MTUS2: variants seen among roughly 807,000 people sequenced by gnomAD.
MTUS2 encodes the protein microtubule-associated tumor suppressor candidate 2.
MTUS2 carries 40 observed loss-of-function variants against 114.1 expected under a neutral mutation model. The ratio of observed to expected loss-of-function variants is 0.35; its 90% CI spans 0.27 to 0.46. MTUS2 has a LOEUF of 0.46. Among genes scored for constraint, MTUS2 ranks in the 20% least tolerant of loss-of-function variants. The pLI, the probability that MTUS2 is intolerant of heterozygous loss-of-function variation, is 1.00. For synonymous variants in MTUS2, 688 were observed against 672.0 expected, an observed-to-expected ratio of 1.02 and a Z score of -0.37; for missense variants, 1,679 against 1,705.4, an observed-to-expected ratio of 0.98 and a Z score of 0.27.
rs535932517 is a variant in MTUS2 at position 28,997,576 on chromosome 13, G to A, written c.-242-26881G>A. Among the ~76,000 whole-genome samples, 540 of 152,250 alleles carry A rather than the reference G, an allele frequency of 3.5e-3. 3 individuals carry two copies. The highest frequency in any genetic ancestry group is 0.012 in the African/African-American group (516 of 41,538). On this transcript the variant is annotated intron_variant, in intron 2 of 15. Transcript: ENST00000612955. ...TTGCTTTATGAATCTGGGTGCTCCTGTATTGGGTGCATATATATTTAGGAT... is the reference window on the plus strand; with the variant it reads ...TTGCTTTATGAATCTGGGTGCTCCTATATTGGGTGCATATATATTTAGGAT...
chr13:29,393,006 A>C (rs1873628071), intron 8 of MTUS2, among the ~76,000 whole-genome samples: 1 of 152,248 alleles, frequency 6.6e-6, no homozygotes, highest in East Asian at 1.9e-4. Flanking sequence ...ACATCTATTT[A>C]ATTTAGTAAA....
chr13:28,904,477 G>C (rs1219700417), intron 2 of MTUS2, among the ~76,000 whole-genome samples: 36 of 152,148 alleles, frequency 2.4e-4, no homozygotes, highest in Non-Finnish European at 1.3e-4. Flanking sequence ...CATATGGCTA[G>C]CCAGTTTTCC....
intron 9 of MTUS2, among the ~76,000 whole-genome samples, chr13:29,475,251 G>A (rs1880613407): frequency 6.6e-6 from 1 of 152,162 alleles, no homozygotes; most frequent in Admixed American, 6.5e-5. Context: ...CATCTTTGTG[G>A]TGATGCTGGT....
chr13:29,441,576 C>T (rs969827445), intron 9 of MTUS2, among the ~76,000 whole-genome samples: 4 of 151,724 alleles, frequency 2.6e-5, no homozygotes, highest in Non-Finnish European at 4.4e-5. Flanking sequence ...GATCCAGATG[C>T]CCACATCTGG....
At chr13:29,357,432 T>C (rs999561626) in intron 7 of MTUS2, among the ~76,000 whole-genome samples, 4 of 152,236 alleles carry the variant, frequency 2.6e-5, no homozygotes, top group African/African-American at 9.6e-5. Flanking sequence ...GTCAGGCACC[T>C]GGTACCTCAA....
chr13:29,399,874 G>A (rs568723363), intron 8 of MTUS2, among the ~76,000 whole-genome samples: 2 of 152,184 alleles, frequency 1.3e-5, no homozygotes, highest in Non-Finnish European at 2.9e-5. Flanking sequence ...TGAATACTCG[G>A]AGTTAAAAAG....
At chr13:28,996,016 T>C (rs1395935349) in intron 2 of MTUS2, among the ~76,000 whole-genome samples, 1 of 152,220 alleles carries the variant, frequency 6.6e-6, no homozygotes, top group Non-Finnish European at 1.5e-5. Flanking sequence ...CCATTCAGTA[T>C]GATATTGGCA....
chr13:29,488,144 G>A (rs1881770947), intron 11 of MTUS2, 139 bp downstream of exon 11: 3 of 660,130 alleles, frequency 4.5e-6, no homozygotes, highest in Non-Finnish European at 7.9e-6. Flanking sequence ...TTTCCTGTTG[G>A]CTCCTGGGAA....
intron 8 of MTUS2, among the ~76,000 whole-genome samples, chr13:29,415,610 T>C (rs1022735069): frequency 6.6e-6 from 1 of 152,188 alleles, no homozygotes; most frequent in African/African-American, 2.4e-5. Flanking sequence ...TTATATATCT[T>C]GGATGTTGTA....
At chr13:28,838,663 A>G (rs181093549) in intron 1 of MTUS2, among the ~76,000 whole-genome samples, 1 of 152,146 alleles carries the variant, frequency 6.6e-6, no homozygotes, top group Admixed American at 6.5e-5. Flanking sequence ...AGAGATCAGC[A>G]TGCTCCCTCT....
rs182144528 is a variant in MTUS2, at chr13:29,204,998, C to T, written c.2645-76706C>T. Among the ~76,000 whole-genome samples the T allele has an allele frequency of 1.1e-3, 162 of 152,218 alleles. 2 individuals carry two copies. Among genetic ancestry groups the T allele is most frequent in the African/African-American group, 3.8e-3 (156 of 41,542 alleles). Reference sequence around the variant, plus strand: ...CCTCCTTCCCACTGATGGTCCCAGTCAGAGGGACCATCAGAGGGGCCTAGC... The same window carrying T: ...CCTCCTTCCCACTGATGGTCCCAGTTAGAGGGACCATCAGAGGGGCCTAGC... On this transcript the variant is annotated intron_variant, in intron 5 of 15. Transcript: ENST00000612955.
At chr13:29,115,237 A>G (rs761949673) in intron 5 of MTUS2, among the ~76,000 whole-genome samples, 2 of 152,224 alleles carry the variant, frequency 1.3e-5, no homozygotes, top group Admixed American at 6.5e-5. Flanking sequence ...TAAGTTGTCA[A>G]TGCTAAGCTG....
chr13:28,856,400 A>C (rs1016292928), intron 2 of MTUS2, among the ~76,000 whole-genome samples: 1 of 152,212 alleles, frequency 6.6e-6, no homozygotes, highest in East Asian at 1.9e-4. Context: ...TGTGGGATGC[A>C]TGCTCAGTCT....
chr13:29,100,301 C>G (rs1228802242), intron 4 of MTUS2, among the ~76,000 whole-genome samples: 1 of 152,172 alleles, frequency 6.6e-6, no homozygotes, highest in Non-Finnish European at 1.5e-5. Flanking sequence ...ATTCTTTGTA[C>G]ATATTTTTCA....
chr13:29,108,941 G>T (rs1370673883), intron 5 of MTUS2, among the ~76,000 whole-genome samples: 4 of 152,128 alleles, frequency 2.6e-5, no homozygotes, highest in African/African-American at 9.7e-5. Flanking sequence ...GAGAAGATAG[G>T]TGAAAAAAGA....
chr13:29,430,442 A>G (rs993541947), intron 8 of MTUS2, among the ~76,000 whole-genome samples: 9 of 152,212 alleles, frequency 5.9e-5, no homozygotes, highest in African/African-American at 2.2e-4. Flanking sequence ...CTTTAGCAGT[A>G]TGATGTTTAA....
intron 2 of MTUS2, among the ~76,000 whole-genome samples, chr13:28,854,280 A>G (rs1876485314): frequency 6.6e-6 from 1 of 152,218 alleles, no homozygotes; most frequent in Non-Finnish European, 1.5e-5. Context: ...ATCTGAAACC[A>G]GGAAGTCATT....
chr13:29,000,344 G>T (rs1377915198), intron 2 of MTUS2, among the ~76,000 whole-genome samples: 3 of 151,988 alleles, frequency 2.0e-5, no homozygotes, highest in Admixed American at 6.6e-5. Flanking sequence ...AGGATTCTTG[G>T]TTGACAGTGT....
At chr13:28,982,542 G>C (rs1294116439) in intron 2 of MTUS2, among the ~76,000 whole-genome samples, 2 of 152,150 alleles carry the variant, frequency 1.3e-5, no homozygotes, top group African/African-American at 4.8e-5. Context: ...AGCAGTGAAA[G>C]CAGGGACCGA....
Sources: gnomAD v4.1 joint callset for allele counts (sites outside exome capture counted in the v4.1 genomes callset) on GRCh38, gnomAD v4.1.1 for gene constraint, MANE v1.5 for transcripts, NCBI Gene and HGNC (gene_info 2026-07-23, HGNC 2026-07-21) for gene names.